Variants in INTS7 observed in about 807,000 individuals in gnomAD.
INTS7 encodes integrator complex subunit 7, also known as chromosome 1 open reading frame 73.
INTS7 carries 46 observed loss-of-function variants against 109.2 expected under a neutral mutation model. The observed-to-expected ratio is 0.42, with a 90% CI of 0.33 to 0.54. INTS7 has a LOEUF of 0.54. Ranked by LOEUF, INTS7 falls within the 20% of genes least tolerant of loss-of-function variation. The probability of loss-of-function intolerance (pLI) is 0.07; values close to 1 mark genes in which losing one functional copy is unlikely to be tolerated. For missense variants in INTS7, 929 were observed against 1,132.4 expected, an observed-to-expected ratio of 0.82 and a Z score of 2.58; for synonymous variants, 412 against 402.9, an observed-to-expected ratio of 1.02 and a Z score of -0.27.
chr1:211,945,054 A>C, intron 18 of INTS7, 85 bp from the exon 19 acceptor site: 1 of 1,351,878 alleles, frequency 7.4e-7, no homozygotes, highest in South Asian at 1.3e-5. Flanking sequence ...CACTGGTTAC[A>C]GGTTAACAAA....
At chr1:212,007,084 G>A (rs1665956844) in intron 6 of INTS7, among the ~76,000 whole-genome samples, 166 bp downstream of exon 6, 1 of 151,484 alleles carries the variant, frequency 6.6e-6, no homozygotes, top group Admixed American at 6.6e-5. Context: ...AATCAGTACT[G>A]TGAACAGAGA....
intron 7 of INTS7, among the ~76,000 whole-genome samples, chr1:211,993,158 A>AAAAGATTAT (rs1189351979): frequency 6.6e-6 from 1 of 152,268 alleles, no homozygotes; most frequent in African/African-American, 2.4e-5. Context: ...CAGAGACAGA[A>AAAAGATTAT]TACCTCAAAA....
intron 9 of INTS7, among the ~76,000 whole-genome samples, 159 bp downstream of exon 9, chr1:211,982,517 T>C (rs1231350832): frequency 6.6e-6 from 1 of 152,112 alleles, no homozygotes; most frequent in Non-Finnish European, 1.5e-5. Context: ...AAGGATAAAG[T>C]AGTCTTAAGA....
intron 1 of INTS7, among the ~76,000 whole-genome samples, chr1:212,024,794 T>C (rs1365574617): frequency 6.6e-6 from 1 of 152,204 alleles, no homozygotes; most frequent in Non-Finnish European, 1.5e-5. Context: ...TTTTCTGCTG[T>C]GATAAGAACA....
intron 18 of INTS7, 30 bp from the exon 19 acceptor site, chr1:211,944,999 A>C: frequency 1.9e-6 from 3 of 1,606,638 alleles, no homozygotes; most frequent in Non-Finnish European, 2.6e-6. Context: ...ATAAATGCCA[A>C]CAACCAAGAG....
chr1:212,032,887 T>C (rs1667234543), intron 1 of INTS7, among the ~76,000 whole-genome samples: 1 of 152,218 alleles, frequency 6.6e-6, no homozygotes, highest in South Asian at 2.1e-4. Flanking sequence ...TTCCACTTGA[T>C]TGAGGAGGTC....
At chr1:212,032,136 A>G (rs535334083) in intron 1 of INTS7, among the ~76,000 whole-genome samples, 1 of 152,286 alleles carries the variant, frequency 6.6e-6, no homozygotes, top group African/African-American at 2.4e-5. Context: ...TTACTCTTAT[A>G]TCCTCATCTA....
In INTS7 at chr1:211,965,726, G is replaced by C. The variant is rs1663844199; in HGVS notation, c.2183+704C>G. Among the ~76,000 whole-genome samples the C allele has an allele frequency of 2.0e-5, 3 of 152,272 alleles. No individual in the cohort carries two copies. In the South Asian group the frequency reaches 6.2e-4, roughly 32 times the overall value. ...ACCAAATACCACACGTTCTCACTTAGAAGTGGGAGATAAATGATAACATAT... is the reference window on the plus strand; with the variant it reads ...ACCAAATACCACACGTTCTCACTTACAAGTGGGAGATAAATGATAACATAT... On this transcript the variant is annotated intron_variant, in intron 16 of 19. Transcript: ENST00000366994.
chr1:211,971,915 C>CAAAAAAAAAAAAAAAAAAAAA (rs745814699), intron 13 of INTS7, among the ~76,000 whole-genome samples: 12 of 79,786 alleles, frequency 1.5e-4, no homozygotes, highest in Non-Finnish European at 1.9e-4. Context: ...AACTCAGTCT[C>CAAAAAAAAAAAAAAAAAAAAA]AAAAAAAAAA....
intron 16 of INTS7, among the ~76,000 whole-genome samples, chr1:211,960,018 G>A (rs1176462608): frequency 1.3e-5 from 2 of 152,198 alleles, no homozygotes; most frequent in Non-Finnish European, 2.9e-5. Flanking sequence ...GGATCCTGCT[G>A]CCAACATCCT....
chr1:212,000,144 A>G (rs1378421886), intron 7 of INTS7, among the ~76,000 whole-genome samples: 1 of 152,110 alleles, frequency 6.6e-6, no homozygotes, highest in Non-Finnish European at 1.5e-5. Context: ...AAAAGGAAAA[A>G]GGGATATAAA....
rs192665616 is a variant in INTS7 at position 211,982,986 on chromosome 1, T to C, written c.998-176A>G. ...TCAGCATTTCTCTCCATTAAGGTAC[T>C]TGAAATAGGTATGTGCCAACAGTTT... On this transcript the variant is annotated intron_variant, in intron 8 of 19. Transcript: ENST00000366994. 2.3e-4 allele frequency among the ~76,000 whole-genome samples: 35 copies of C among 152,308 alleles called. No individual in the cohort carries two copies. In the East Asian group the frequency reaches 4.8e-3, roughly 21 times the overall value.
chr1:212,008,417 T>A (rs539799247), intron 5 of INTS7, among the ~76,000 whole-genome samples: 1 of 152,292 alleles, frequency 6.6e-6, no homozygotes, highest in African/African-American at 2.4e-5. Context: ...TCTCTGGCTG[T>A]TCCTTCTTAA....
chr1:211,985,563 AC>A (rs1404520972), intron 8 of INTS7, among the ~76,000 whole-genome samples: 31 of 152,224 alleles, frequency 2.0e-4, no homozygotes, highest in Non-Finnish European at 1.5e-5. Flanking sequence ...AAGTATTATA[AC>A]CCAACATAAT....
intron 10 of INTS7, among the ~76,000 whole-genome samples, chr1:211,979,113 T>C (rs866250823): frequency 6.6e-6 from 1 of 152,188 alleles, no homozygotes; most frequent in Non-Finnish European, 1.5e-5. Flanking sequence ...ATCACTAATA[T>C]CCAGCCAAAA....
rs181941588 is a variant in INTS7, at chr1:212,004,362, C to A, written c.879+2277G>T. On this transcript the variant is annotated intron_variant, in intron 7 of 19. Coordinates refer to ENST00000366994, the MANE Select transcript of INTS7 (RefSeq NM_015434.4). ...GTCTCAAAAAAACCCAAAAAACCTC[C>A]AATTAAATGCTGTTTATAAGAAACA... Among the ~76,000 whole-genome samples the A allele has an allele frequency of 1.4e-4, 21 of 152,004 alleles. No homozygotes were observed. In the East Asian group the frequency reaches 3.9e-3, roughly 28 times the overall value.
chr1:211,946,855 G>T lies in INTS7; in HGVS notation c.2317-150C>A. 1.9e-6 allele frequency: 1 copy of T among 535,568 alleles called. No homozygotes were observed. Among genetic ancestry groups the T allele is most frequent in the Non-Finnish European group, 3.3e-6 (1 of 302,108 alleles). 33.2% of individuals were successfully genotyped at this position (535,568 alleles called of 1,614,324 possible). On this transcript the variant is annotated intron_variant, in intron 17 of 19. Coordinates refer to ENST00000366994, the MANE Select transcript of INTS7 (RefSeq NM_015434.4). This position sits in a 1 kb window ranked among gnomAD's most constrained non-coding sequence, Gnocchi z 4.3. Reference sequence around the variant, plus strand: ...ACTAGGCATCACATCCAGGAACTGTGCATACATACTAAATCATTCATTACA... The same window carrying T: ...ACTAGGCATCACATCCAGGAACTGTTCATACATACTAAATCATTCATTACA...
intron 7 of INTS7, among the ~76,000 whole-genome samples, chr1:212,003,777 A>G (rs990967444): frequency 6.6e-6 from 1 of 152,228 alleles, no homozygotes; most frequent in African/African-American, 2.4e-5. Flanking sequence ...ACTATGAGTT[A>G]TATTTTCATT....
chr1:211,986,848 A>G (rs1213409384), intron 8 of INTS7, among the ~76,000 whole-genome samples: 1 of 152,202 alleles, frequency 6.6e-6, no homozygotes, highest in Non-Finnish European at 1.5e-5. Context: ...TTAGCTTCCT[A>G]TTAAGACTTA....
Sources: allele counts gnomAD v4.1 joint callset (sites outside exome capture counted in the v4.1 genomes callset), GRCh38; gene constraint gnomAD v4.1.1; non-coding constraint Gnocchi (gnomAD v3.1); transcripts MANE v1.5; gene names NCBI Gene and HGNC (gene_info 2026-07-23, HGNC 2026-07-21).